SIN3B: variants seen among roughly 807,000 people sequenced by gnomAD.
The protein encoded by SIN3B is SIN3 transcription regulator family member B.
Under a neutral mutation model 120.2 loss-of-function variants are expected in SIN3B, and 19 were observed. That is an observed-to-expected ratio of 0.16 (90% CI 0.11 to 0.23). SIN3B has a LOEUF of 0.23. SIN3B is among the 10% of genes least tolerant of loss of function. The pLI is 1.00. For synonymous variants in SIN3B, 654 were observed against 653.2 expected, an observed-to-expected ratio of 1.00 and a Z score of -0.02; for missense variants, 1,073 against 1,573.0, an observed-to-expected ratio of 0.68 and a Z score of 5.38.
intron 8 of SIN3B, among the ~76,000 whole-genome samples, chr19:16,859,333 T>C (rs1178255628): frequency 6.6e-6 from 1 of 152,190 alleles, no homozygotes; most frequent in African/African-American, 2.4e-5. Flanking sequence ...TGTATTTTTT[T>C]TTTTAACTCA....
At chr19:16,842,845 A>G (rs1971434838) in intron 4 of SIN3B, among the ~76,000 whole-genome samples, 1 of 152,170 alleles carries the variant, frequency 6.6e-6, no homozygotes, top group African/African-American at 2.4e-5. Context: ...AGTCAGGTTG[A>G]ATCTTGACAT....
At position 16,876,832 on chromosome 19, in the gene SIN3B, G is replaced by A; in HGVS notation, c.2859+254G>A. 1 of 433,370 alleles carries A rather than the reference G, an allele frequency of 2.3e-6. No homozygotes were observed. 26.8% of individuals were successfully genotyped at this position (433,370 alleles called of 1,614,324 possible). A position where few individuals can be genotyped will look rare whatever the true frequency, so the allele number is the denominator to read the frequency against. On this transcript the variant is annotated intron_variant, in intron 16 of 18. Coordinates refer to ENST00000248054, the MANE Select transcript of SIN3B (RefSeq NM_001297595.2). This position sits in a 1 kb window ranked among gnomAD's most constrained non-coding sequence, Gnocchi z 7.1. ...GCGGTTGTGTCCCAGGGCAGGAGGG[G>A]AACCAAGCCACCTCTCCCTGGCCCC...
At chr19:16,829,695 C>T (rs1971253652) in intron 1 of SIN3B, 96 bp from the exon 2 acceptor site, 1 of 1,351,134 alleles carries the variant, frequency 7.4e-7, no homozygotes, top group Admixed American at 2.0e-5. Flanking sequence ...CTCGGCCCTC[C>T]GAAAGCCCAG....
chr19:16,853,020 G>A (rs1215748135), intron 6 of SIN3B, 49 bp from the exon 7 acceptor site: 1 of 1,492,436 alleles, frequency 6.7e-7, no homozygotes, highest in African/African-American at 1.4e-5. Flanking sequence ...ATGGACAGAG[G>A]CCACCGGTGG....
At chr19:16,853,228 C>T in intron 7 of SIN3B, 70 bp downstream of exon 7, 3 of 1,441,018 alleles carry the variant, frequency 2.1e-6, no homozygotes, top group East Asian at 2.3e-5. Context: ...CTCCCTGGGC[C>T]TGCCCCAGGA....
chr19:16,871,449 A>G (rs779968843), intron 14 of SIN3B, 51 bp downstream of exon 14: 4 of 1,531,006 alleles, frequency 2.6e-6, no homozygotes, highest in Non-Finnish European at 3.5e-6. Flanking sequence ...AAATGGCTCT[A>G]CCATCATTTC....
chr19:16,868,521 G>A (rs1019169665), intron 12 of SIN3B, among the ~76,000 whole-genome samples: 4 of 152,216 alleles, frequency 2.6e-5, no homozygotes, highest in African/African-American at 9.7e-5. Flanking sequence ...AATGGTGTGA[G>A]GGAATGAAAG....
In SIN3B at chr19:16,862,634, C is replaced by T; in HGVS notation, c.1266+75C>T. ...CCCTCCCCAGCAAACACCCGATACC[C>T]CCGTTATGAATGAAATGCTGTGTGC... On this transcript the variant is annotated intron_variant, in intron 9 of 18. Coordinates refer to ENST00000248054, the MANE Select transcript of SIN3B (RefSeq NM_001297595.2). This position sits in a 1 kb window ranked among gnomAD's most constrained non-coding sequence, Gnocchi z 4.7. 1 of 1,358,024 alleles carries T rather than the reference C, an allele frequency of 7.4e-7. No individual in the cohort carries two copies. The allele number at this position is 1,358,024 out of a possible 1,614,324, so 84.1% of individuals were successfully genotyped here.
At chr19:16,849,223 GACTGGCCTGGATCAGAGGTTGGCAA>G (rs1419168855) in intron 5 of SIN3B, among the ~76,000 whole-genome samples, 4 of 152,330 alleles carry the variant, frequency 2.6e-5, no homozygotes, top group Middle Eastern at 3.4e-3. Flanking sequence ...AATTAAATTT[GACTGGCCTGGATCAGAGGTTGGCAA>G]ACCTTCTCTA....
rs1971582895 is a variant in SIN3B, at chr19:16,854,214, G to A, written c.1011G>A (p.Glu337=). 1 of 1,612,938 alleles carries A rather than the reference G, an allele frequency of 6.2e-7. No homozygotes were observed. Among genetic ancestry groups the A allele is most frequent in the African/African-American group, 1.3e-5 (1 of 74,904 alleles). The part of the protein sequence containing the change: ...FLRCIALFNQ[E]LVSGSELLQL... ...GCTGCATCGCACTCTTCAACCAGGA[G>A]CTGGTGTCTGGCTCTGAGCTCCTGC... The change falls in exon 8 of 19, where the codon GAG becomes GAA. Residue 337 remains glutamate, a synonymous_variant. Coordinates refer to ENST00000248054, the MANE Select transcript of SIN3B (RefSeq NM_001297595.2).
chr19:16,853,172 C>T lies in SIN3B; in HGVS notation c.939+14C>T, dbSNP rs575676647. 5 of 1,612,100 alleles carry T rather than the reference C, an allele frequency of 3.1e-6. No individual in the cohort carries two copies. In the East Asian group the frequency reaches 6.7e-5, roughly 22 times the overall value. On this transcript the variant is annotated intron_variant, in intron 7 of 18. Coordinates refer to ENST00000248054, the MANE Select transcript of SIN3B (RefSeq NM_001297595.2). ...TTCTTTGACAAGGTGAGGGTGGGCCCTGGCTTCCATCTTGGGGATGCCATG... is the reference window on the plus strand; with the variant it reads ...TTCTTTGACAAGGTGAGGGTGGGCCTTGGCTTCCATCTTGGGGATGCCATG...
At chr19:16,854,322 T>G in intron 8 of SIN3B, 61 bp downstream of exon 8, 1 of 1,078,918 alleles carries the variant, frequency 9.3e-7, no homozygotes, top group Non-Finnish European at 1.4e-6. Flanking sequence ...CTCCATCTAC[T>G]TGGTTTTTAG....
Position 16,876,148 on chromosome 19 carries a change from T to C in SIN3B, c.2686T>C (p.Ser896Pro). The change falls in exon 15 of 19, where the codon TCC becomes CCC. Residue 896 changes from serine to proline, a missense_variant. Ser to Pro is a moderately conservative substitution (Grantham distance 74, BLOSUM62 -1). Coordinates refer to ENST00000248054, the MANE Select transcript of SIN3B (RefSeq NM_001297595.2). The surrounding 1 kb of genome is among the most constrained non-coding windows in gnomAD (Gnocchi z 7.1). ...GGGTGCCGCTGGTGGGAACCTGTCC[T>C]CCCGCTGCGTCCGCGCTGCTAGGGA... ...KRGAAGGNLSSRCVRAARETS... is the reference protein window; with the variant it reads ...KRGAAGGNLSPRCVRAARETS... The C allele has an allele frequency of 6.2e-7, 1 of 1,611,948 alleles. No homozygotes were observed. The highest frequency in any genetic ancestry group is 8.5e-7 in the Non-Finnish European group (1 of 1,179,588).
Position 16,829,506 on chromosome 19 carries a change from C to T in SIN3B, c.86C>T (p.Ser29Leu), listed in dbSNP as rs957542038. 2.4e-6 allele frequency: 3 copies of T among 1,224,676 alleles called. No homozygotes were observed. The highest frequency in any genetic ancestry group is 3.1e-6 in the Non-Finnish European group (3 of 983,124). 75.9% of individuals were successfully genotyped at this position (1,224,676 alleles called of 1,614,324 possible). The change falls in exon 1 of 19, where the codon TCG becomes TTG. Residue 29 changes from serine (S) to leucine (L), a missense_variant. This residue lies in a region of SIN3B where 395 missense variants were observed against 528.0 expected (regional missense o/e 0.75). Coordinates refer to ENST00000248054, the MANE Select transcript of SIN3B (RefSeq NM_001297595.2). ...RGLSGARWGRSGSAGHEKLPV... is the reference protein window; with the variant it reads ...RGLSGARWGRLGSAGHEKLPV... ...CTGAGCGGCGCCCGCTGGGGTCGCT[C>T]GGGCTCCGCAGGCCACGAGAAGCTG...
chr19:16,846,792 C>T (rs746348668), intron 4 of SIN3B, among the ~76,000 whole-genome samples, 178 bp from the exon 5 acceptor site: 8 of 152,156 alleles, frequency 5.3e-5, no homozygotes, highest in Non-Finnish European at 7.3e-5. Flanking sequence ...TGCCCATGGC[C>T]GGGGCTCAGG....
chr19:16,837,987 T>TA (rs1302815293), intron 3 of SIN3B, among the ~76,000 whole-genome samples: 2 of 151,946 alleles, frequency 1.3e-5, no homozygotes, highest in Non-Finnish European at 2.9e-5. Flanking sequence ...GCAGGATGGT[T>TA]GTCATGGTGT....
chr19:16,831,060 G>T (rs572230614), intron 2 of SIN3B, among the ~76,000 whole-genome samples: 2 of 151,896 alleles, frequency 1.3e-5, no homozygotes, highest in South Asian at 4.2e-4. Flanking sequence ...ATCACATGGG[G>T]GCACTTTTTT....
At chr19:16,866,634 T>C in intron 12 of SIN3B, 78 bp downstream of exon 12, 1 of 1,424,162 alleles carries the variant, frequency 7.0e-7, no homozygotes, top group Non-Finnish European at 9.8e-7. Context: ...TGCCTCTGTT[T>C]CCCTGGTGGT....
At position 16,829,527 on chromosome 19, in the gene SIN3B, A is replaced by G; in HGVS notation, c.107A>G (p.Lys36Arg). Residue 36 changes from lysine (K) to arginine (R), a missense_variant, in exon 1 of 19, where the codon AAG becomes AGG. This residue lies in a region of SIN3B where 395 missense variants were observed against 528.0 expected (regional missense o/e 0.75). Coordinates refer to ENST00000248054, the MANE Select transcript of SIN3B (RefSeq NM_001297595.2). The stretch of plus-strand genomic sequence containing the variant: ...CGCTCGGGCTCCGCAGGCCACGAGA[A>G]GCTGCCGGTGCACGTGAGTGGCGTC... ...WGRSGSAGHE[K>R]LPVHVEDALT... The G allele has an allele frequency of 8.1e-7, 1 of 1,227,970 alleles. No individual in the cohort carries two copies. 76.1% of individuals were successfully genotyped at this position (1,227,970 alleles called of 1,614,324 possible).
Sources: allele counts gnomAD v4.1 joint callset (sites outside exome capture counted in the v4.1 genomes callset), GRCh38; gene constraint gnomAD v4.1.1; regional missense constraint gnomAD v4.1.1; non-coding constraint Gnocchi (gnomAD v3.1); transcripts MANE v1.5; gene names NCBI Gene and HGNC (gene_info 2026-07-23, HGNC 2026-07-21).